Variants in IMPG1 observed in about 807,000 individuals in gnomAD.
IMPG1 encodes interphotoreceptor matrix proteoglycan of 150 kDa.
A neutral mutation model predicts 92.0 loss-of-function variants in IMPG1; 85 were observed. The observed-to-expected ratio is 0.92, with a 90% CI of 0.78 to 1.11. IMPG1 has a LOEUF of 1.11. Ranked by LOEUF, IMPG1 falls within the 50% of genes least tolerant of loss-of-function variation. The pLI is 0.00. For synonymous variants in IMPG1, 367 were observed against 334.1 expected (o/e 1.10, Z -1.08); for missense variants, 1,022 against 956.0 (o/e 1.07, Z -0.91).
chr6:76,070,927 A>G (rs1419390967), intron 1 of IMPG1, among the ~76,000 whole-genome samples: 2 of 152,050 alleles, frequency 1.3e-5, no homozygotes, highest in Non-Finnish European at 2.9e-5. Flanking sequence ...TGTGCAATAT[A>G]TGGGTGTAAC....
intron 1 of IMPG1, among the ~76,000 whole-genome samples, chr6:76,056,741 C>T (rs1784126573): frequency 6.6e-6 from 1 of 152,126 alleles, no homozygotes; most frequent in Non-Finnish European, 1.5e-5. Context: ...GAGGTAATAG[C>T]TCATTGTGGT....
chr6:75,971,474 TA>T (rs199803529), intron 12 of IMPG1, among the ~76,000 whole-genome samples: 3,744 of 151,600 alleles, frequency 0.025, 161 homozygotes, highest in African/African-American at 0.086. Context: ...ATAATAATAA[TA>T]AAAAAAAATC....
chr6:75,952,381 A>C (rs964180211), intron 12 of IMPG1, among the ~76,000 whole-genome samples: 2 of 152,164 alleles, frequency 1.3e-5, no homozygotes, highest in African/African-American at 4.8e-5. Flanking sequence ...AATTACTAAA[A>C]CCGAAACTCC....
At chr6:75,927,143 T>C (rs952948694) in intron 15 of IMPG1, among the ~76,000 whole-genome samples, 2 of 152,328 alleles carry the variant, frequency 1.3e-5, no homozygotes, top group Middle Eastern at 3.4e-3. Flanking sequence ...GGCTGCCCTT[T>C]GTTGACAGAA....
At chr6:76,069,876 A>G (rs1173554843) in intron 1 of IMPG1, among the ~76,000 whole-genome samples, 1 of 152,210 alleles carries the variant, frequency 6.6e-6, no homozygotes, top group Non-Finnish European at 1.5e-5. Flanking sequence ...AAATTAATGC[A>G]GGAACAGAAA....
chr6:75,934,579 A>G (rs1228585254), intron 14 of IMPG1, among the ~76,000 whole-genome samples: 1 of 152,178 alleles, frequency 6.6e-6, no homozygotes, highest in African/African-American at 2.4e-5. Flanking sequence ...AGTCAAAGTT[A>G]AAAAGATCAT....
chr6:75,980,566 G>A (rs138416083), intron 12 of IMPG1, among the ~76,000 whole-genome samples: 199 of 152,330 alleles, frequency 1.3e-3, no homozygotes, highest in Non-Finnish European at 2.5e-3. Context: ...GAAGGTGGGA[G>A]AAGCTGACTT....
intron 14 of IMPG1, among the ~76,000 whole-genome samples, chr6:75,944,246 CT>C (rs1781884675): frequency 6.6e-6 from 1 of 152,192 alleles, no homozygotes; most frequent in Admixed American, 6.5e-5. Context: ...TCCTCCCTGC[CT>C]GCTGGTACCT....
intron 1 of IMPG1, among the ~76,000 whole-genome samples, chr6:76,058,205 A>G (rs192203926): frequency 6.6e-6 from 1 of 152,314 alleles, no homozygotes; most frequent in Non-Finnish European, 1.5e-5. Flanking sequence ...AGTCATAGGT[A>G]GATAGAAATA....
intron 8 of IMPG1, among the ~76,000 whole-genome samples, chr6:76,008,567 T>G (rs1011780538): frequency 6.6e-6 from 1 of 152,186 alleles, no homozygotes; most frequent in African/African-American, 2.4e-5. Flanking sequence ...AGTGCTGCTG[T>G]ATGGGTGAGA....
At chr6:76,016,141 A>T (rs889268992) in intron 7 of IMPG1, among the ~76,000 whole-genome samples, 2 of 152,248 alleles carry the variant, frequency 1.3e-5, no homozygotes, top group Non-Finnish European at 2.9e-5. Flanking sequence ...TATACACAGC[A>T]GTTTAGACTT....
intron 12 of IMPG1, among the ~76,000 whole-genome samples, chr6:75,981,607 T>C (rs1004465711): frequency 3.9e-5 from 6 of 152,238 alleles, no homozygotes; most frequent in African/African-American, 1.4e-4. Context: ...ACTGGTAAGA[T>C]AGTTTTTAGT....
intron 10 of IMPG1, among the ~76,000 whole-genome samples, chr6:76,004,910 A>G (rs973171600): frequency 1.3e-5 from 2 of 152,120 alleles, no homozygotes; most frequent in Non-Finnish European, 2.9e-5. Context: ...AAATTATACT[A>G]ATTTGAATGT....
intron 12 of IMPG1, among the ~76,000 whole-genome samples, chr6:75,966,055 T>G (rs921184375): frequency 7.2e-5 from 11 of 152,126 alleles, no homozygotes; most frequent in African/African-American, 2.7e-4. Flanking sequence ...AAAATAAAAC[T>G]CAGGAAACTC....
chr6:76,063,821 C>T (rs141752556), intron 1 of IMPG1, among the ~76,000 whole-genome samples: 5 of 152,234 alleles, frequency 3.3e-5, no homozygotes, highest in Admixed American at 6.5e-5. Context: ...GAGTGCTGCT[C>T]CTAAAGGAAA....
chr6:76,044,151 A>G (rs1325043647), intron 1 of IMPG1, among the ~76,000 whole-genome samples: 1 of 152,194 alleles, frequency 6.6e-6, no homozygotes, highest in Non-Finnish European at 1.5e-5. Flanking sequence ...CTAGGGGCAA[A>G]GTGCAAGAGA....
At chr6:75,951,325 A>G (rs1782027537) in intron 12 of IMPG1, among the ~76,000 whole-genome samples, 1 of 152,008 alleles carries the variant, frequency 6.6e-6, no homozygotes, top group South Asian at 2.1e-4. Context: ...CATTTTATTC[A>G]GGCCCAGTAG....
chr6:76,058,128 T>C (rs1399715904), intron 1 of IMPG1, among the ~76,000 whole-genome samples: 1 of 152,192 alleles, frequency 6.6e-6, no homozygotes, highest in Non-Finnish European at 1.5e-5. Flanking sequence ...AAATATTTTC[T>C]CCCAATCCAT....
At chr6:75,995,266 T>C (rs1424201574) in intron 12 of IMPG1, among the ~76,000 whole-genome samples, 1 of 152,198 alleles carries the variant, frequency 6.6e-6, no homozygotes, top group African/African-American at 2.4e-5. Flanking sequence ...TTTGCTGACC[T>C]CCAGCCAGTT....
Sources: gnomAD v4.1 joint callset for allele counts (sites outside exome capture counted in the v4.1 genomes callset) on GRCh38, gnomAD v4.1.1 for gene constraint, MANE v1.5 for transcripts, NCBI Gene and HGNC (gene_info 2026-07-23, HGNC 2026-07-21) for gene names.